The following AHNAK variants were observed in gnomAD, a reference collection of about 807,000 sequenced individuals.
AHNAK encodes the protein AHNAK nucleoprotein.
Under a neutral mutation model 37.8 loss-of-function variants are expected in AHNAK, and 23 were observed. The observed-to-expected ratio is 0.61, with a 90% CI of 0.44 to 0.86. The LOEUF (loss-of-function observed/expected upper bound fraction) is 0.86, where lower values mean the gene tolerates loss of function less well. AHNAK is among the 40% of genes least tolerant of loss of function. AHNAK has a pLI of 0.00. For synonymous variants in AHNAK, 2,481 were observed against 2,636.3 expected, an observed-to-expected ratio of 0.94 and a Z score of 1.80; for missense variants, 7,411 against 7,319.4, an observed-to-expected ratio of 1.01 and a Z score of -0.46.
intron 1 of AHNAK, among the ~76,000 whole-genome samples, chr11:62,544,785 G>A (rs975191898): frequency 1.3e-5 from 2 of 152,020 alleles, no homozygotes; most frequent in Admixed American, 6.5e-5. Context: ...CTCACGGGGA[G>A]GGGATGAAAG....
rs764571710 is a variant in AHNAK at position 62,529,984 on chromosome 11, CCTT to C, written c.4430_4432del (p.Glu1477del). On this transcript the variant is annotated inframe_deletion, in exon 5 of 5. Transcript: ENST00000378024. ...GTCAACATCAGGAGCTTTTATCTCT[CCTT>C]CTACTTTTGGAACTGTTACATCATA... 6.8e-6 allele frequency: 11 copies of C among 1,613,654 alleles called. 1 individual carries two copies. Among genetic ancestry groups the C allele is most frequent in the South Asian group, 1.1e-5 (1 of 91,070 alleles).
rs1185742082 is a variant in AHNAK, at chr11:62,522,913, A to G, written c.11504T>C (p.Val3835Ala). ...DVNLPKADLD[V>A]SGPKVDIDVP... ...ATCAATGTCCACCTTGGGTCCTGAGACATCAAGGTCAGCCTTGGGCAGGTT... is the reference window on the plus strand; with the variant it reads ...ATCAATGTCCACCTTGGGTCCTGAGGCATCAAGGTCAGCCTTGGGCAGGTT... Residue 3835 changes from valine (V) to alanine (A), a missense_variant, in exon 5 of 5, where the codon GTC becomes GCC. Physicochemically the swap from Val to Ala is moderately conservative, Grantham distance 64 (BLOSUM62 0). Coordinates refer to ENST00000378024, the MANE Select transcript of AHNAK (RefSeq NM_001620.3). 1 of 1,612,780 alleles carries G rather than the reference A, an allele frequency of 6.2e-7. No homozygotes were observed. Among genetic ancestry groups the G allele is most frequent in the Non-Finnish European group, 8.5e-7 (1 of 1,179,744 alleles).
intron 5 of AHNAK, among the ~76,000 whole-genome samples, chr11:62,441,851 C>T (rs2134781712): frequency 6.6e-6 from 1 of 152,258 alleles, no homozygotes; most frequent in East Asian, 1.9e-4. Context: ...GAGCTCAGTT[C>T]ACCCTCACCG....
At chr11:62,442,042 C>T (rs972044826) in intron 5 of AHNAK, among the ~76,000 whole-genome samples, 5 of 152,176 alleles carry the variant, frequency 3.3e-5, no homozygotes, top group Admixed American at 1.3e-4. Context: ...ATCAGACACA[C>T]ATGGAGCTGC....
intron 1 of AHNAK, among the ~76,000 whole-genome samples, chr11:62,540,586 G>A (rs1941089267): frequency 6.6e-6 from 1 of 152,196 alleles, no homozygotes; most frequent in Admixed American, 6.5e-5. Context: ...AAGACACACT[G>A]ATCGCTTGAA....
At chr11:62,443,186 C>G (rs918835939) in intron 5 of AHNAK, among the ~76,000 whole-genome samples, 1 of 151,196 alleles carries the variant, frequency 6.6e-6, no homozygotes, top group Non-Finnish European at 1.5e-5. Context: ...CCATATTGGC[C>G]AGGCTTGTCT....
chr11:62,479,313 A>T (rs948283501), intron 5 of AHNAK, among the ~76,000 whole-genome samples: 1 of 151,706 alleles, frequency 6.6e-6, no homozygotes, highest in Non-Finnish European at 1.5e-5. Context: ...GATTACAGGC[A>T]TGCACCACCA....
In AHNAK at chr11:62,522,698, A is replaced by G. The variant is rs499333; in HGVS notation, c.11719T>C (p.Leu3907=). ...KVEGDMQVPD[L]DIKGPKVDIN... ...TCCACTTTGGGGCCTTTAATATCCA[A>G]GTCAGGAACTTGCATGTCACCTTCC... is the stretch of plus-strand genomic sequence containing the variant. Residue 3907 remains leucine (L), a synonymous_variant, in exon 5 of 5, where the codon TTG becomes CTG. Coordinates refer to ENST00000378024, the MANE Select transcript of AHNAK (RefSeq NM_001620.3). 2 of 1,609,028 alleles carry G rather than the reference A, an allele frequency of 1.2e-6. No individual in the cohort carries two copies. The highest frequency in any genetic ancestry group is 1.7e-6 in the Non-Finnish European group (2 of 1,178,392).
At chr11:62,451,239 G>C (rs1352951070) in intron 5 of AHNAK, among the ~76,000 whole-genome samples, 1 of 150,830 alleles carries the variant, frequency 6.6e-6, no homozygotes, top group Admixed American at 6.6e-5. Context: ...ATGTGTTTAG[G>C]AACCCAAGAC....
At chr11:62,464,820 G>A (rs114531570) in intron 5 of AHNAK, among the ~76,000 whole-genome samples, 2,264 of 152,232 alleles carry the variant, frequency 0.015, 57 homozygotes, top group African/African-American at 0.052. Context: ...GACAGAGGGA[G>A]ACCTTGACTC....
rs1185789133 is a variant in AHNAK at position 62,519,647 on chromosome 11, G to A, written c.14770C>T (p.His4924Tyr). Reference protein sequence around the residue: ...PKVTAPDVDLHLKAPKIGFSG... With the variant: ...PKVTAPDVDLYLKAPKIGFSG... ...AATCCAATTTTTGGTGCCTTGAGAT[G>A]CAAATCAACATCAGGAGCAGTTACT... is the stretch of plus-strand genomic sequence containing the variant. Residue 4924 changes from histidine to tyrosine, a missense_variant, in exon 5 of 5, where the codon CAT (histidine) becomes TAT (tyrosine). By Grantham distance (83) the His-to-Tyr change is moderately conservative (BLOSUM62 2). Transcript: ENST00000378024. The A allele has an allele frequency of 2.2e-5, 36 of 1,613,952 alleles. No homozygotes were observed. The East Asian group carries it at 4.0e-4, about 18-fold the overall frequency.
At chr11:62,453,452 G>T (rs1938584058) in intron 5 of AHNAK, among the ~76,000 whole-genome samples, 1 of 152,150 alleles carries the variant, frequency 6.6e-6, no homozygotes, top group African/African-American at 2.4e-5. Flanking sequence ...CTTACTGTGT[G>T]TCAGGAACAT....
Position 62,519,050 on chromosome 11 carries a change from C to A in AHNAK, c.15367G>T (p.Glu5123Ter), listed in dbSNP as rs763455961. The change falls in exon 5 of 5, where the codon GAA becomes TAA. Residue 5123 changes from glutamate (E) to a stop codon, truncating the protein, a stop_gained. Transcript: ENST00000378024. LOFTEE classifies it low-confidence loss of function (END_TRUNC). ...ACGTGAATCGCTGGCAAAGAAAGTT[C>A]CAGATCAGGTGCCTGGAGTTCACCC... ...LEGELQAPDL[E>*]LSLPAIHVEG... 6.2e-7 allele frequency: 1 copy of A among 1,613,120 alleles called. No individual in the cohort carries two copies. The highest frequency in any genetic ancestry group is 1.1e-5 in the South Asian group (1 of 90,968).
At chr11:62,504,780 C>A (rs1939778765) in intron 4 of AHNAK, among the ~76,000 whole-genome samples, 1 of 152,086 alleles carries the variant, frequency 6.6e-6, no homozygotes, top group Non-Finnish European at 1.5e-5. Flanking sequence ...CCTACCCTGC[C>A]CCCTGCAGCC....
chr11:62,474,476 C>T (rs931818980), intron 5 of AHNAK, among the ~76,000 whole-genome samples: 5 of 152,188 alleles, frequency 3.3e-5, no homozygotes, highest in South Asian at 2.1e-4. Flanking sequence ...CCACCACACC[C>T]GGCCCTCAGA....
At chr11:62,476,963 T>C (rs1239697659) in intron 5 of AHNAK, among the ~76,000 whole-genome samples, 2 of 152,206 alleles carry the variant, frequency 1.3e-5, no homozygotes, top group Non-Finnish European at 2.9e-5. Flanking sequence ...CGGCATTGGT[T>C]GCAGAAATCA....
intron 5 of AHNAK, among the ~76,000 whole-genome samples, chr11:62,477,976 G>A (rs1939185622): frequency 1.3e-5 from 2 of 152,086 alleles, no homozygotes; most frequent in Non-Finnish European, 2.9e-5. Flanking sequence ...TGGAACATTT[G>A]AGGAAGCGAA....
rs1424176699 is a variant in AHNAK, at chr11:62,526,277, A to G, written c.8140T>C (p.Leu2714=). 1.2e-6 allele frequency: 2 copies of G among 1,613,412 alleles called. No homozygotes were observed. The highest frequency in any genetic ancestry group is 1.7e-6 in the Non-Finnish European group (2 of 1,179,862). Reference sequence around the variant, plus strand: ...TTCACTTTGGGTCCTTTCAGGTTTAAGTCAATATCAGGCATGGAGATCTTG... The same window carrying G: ...TTCACTTTGGGTCCTTTCAGGTTTAGGTCAATATCAGGCATGGAGATCTTG... ...APKISMPDID[L]NLKGPKVKGD... is the part of the protein sequence containing the mutation. Residue 2714 remains leucine (L), a synonymous_variant, in exon 5 of 5, where the codon TTA becomes CTA. Coordinates refer to ENST00000378024, the MANE Select transcript of AHNAK (RefSeq NM_001620.3).
intron 1 of AHNAK, among the ~76,000 whole-genome samples, chr11:62,540,587 A>T (rs1941089329): frequency 6.6e-6 from 1 of 152,208 alleles, no homozygotes; most frequent in Admixed American, 6.5e-5. Context: ...AGACACACTG[A>T]TCGCTTGAAC....
Sources: allele counts gnomAD v4.1 joint callset (sites outside exome capture counted in the v4.1 genomes callset), GRCh38; gene constraint gnomAD v4.1.1; transcripts MANE v1.5; gene names NCBI Gene and HGNC (gene_info 2026-07-23, HGNC 2026-07-21).